YEATS2: variants seen among roughly 807,000 people sequenced by gnomAD.
YEATS2 encodes the protein YEATS domain-containing protein 2.
A neutral mutation model predicts 163.2 loss-of-function variants in YEATS2; 77 were observed. The ratio of observed to expected loss-of-function variants is 0.47; its 90% CI spans 0.39 to 0.57. The LOEUF (loss-of-function observed/expected upper bound fraction) is 0.57. YEATS2 is among the 20% of genes least tolerant of loss of function. YEATS2 has a pLI of 0.00. For missense variants in YEATS2, 1,549 were observed against 1,729.8 expected (o/e 0.90, Z 1.85); for synonymous variants, 631 against 645.1 (o/e 0.98, Z 0.33).
intron 6 of YEATS2, among the ~76,000 whole-genome samples, chr3:183,727,667 C>T (rs1475866490): frequency 3.3e-5 from 5 of 152,206 alleles, no homozygotes; most frequent in African/African-American, 9.6e-5. Context: ...AAGAAGGGGG[C>T]CTCATACTGA....
chr3:183,770,622 G>T (rs762611688), intron 15 of YEATS2, among the ~76,000 whole-genome samples: 2 of 152,034 alleles, frequency 1.3e-5, no homozygotes, highest in East Asian at 1.9e-4. Flanking sequence ...AGTCCACTTT[G>T]TTCTTCCCAG....
chr3:183,722,957 C>T (rs1312297654), intron 5 of YEATS2, among the ~76,000 whole-genome samples: 5 of 152,226 alleles, frequency 3.3e-5, no homozygotes, highest in Non-Finnish European at 7.3e-5. Context: ...CGACTTAAAC[C>T]TGAGTGTTTC....
intron 15 of YEATS2, 122 bp from the exon 16 acceptor site, chr3:183,772,183 C>G: frequency 7.2e-7 from 1 of 1,385,846 alleles, no homozygotes; most frequent in Non-Finnish European, 9.9e-7. Context: ...GGTAGCTTTC[C>G]TAGATGACTG....
At chr3:183,760,911 GA>G (rs1721282746) in intron 13 of YEATS2, among the ~76,000 whole-genome samples, 1 of 152,120 alleles carries the variant, frequency 6.6e-6, no homozygotes, top group Non-Finnish European at 1.5e-5. Context: ...AACTATCGGG[GA>G]AGACCAATAA....
At chr3:183,768,341 A>G (rs547390861) in intron 15 of YEATS2, among the ~76,000 whole-genome samples, 5 of 152,226 alleles carry the variant, frequency 3.3e-5, no homozygotes, top group Admixed American at 6.5e-5. Context: ...TCACTTCTGC[A>G]CACATCCCGT....
intron 1 of YEATS2, among the ~76,000 whole-genome samples, chr3:183,713,304 C>T (rs1397221658): frequency 6.6e-6 from 1 of 152,150 alleles, no homozygotes; most frequent in African/African-American, 2.4e-5. Flanking sequence ...GTGGCTCACA[C>T]CTGTAATCCC....
At chr3:183,806,754 G>C in intron 27 of YEATS2, 112 bp from the exon 28 acceptor site, 1 of 1,056,792 alleles carries the variant, frequency 9.5e-7, no homozygotes. Context: ...TGGAAAGAAG[G>C]TCAGCTCCCC....
intron 3 of YEATS2, 101 bp downstream of exon 3, chr3:183,717,849 C>A: frequency 1.7e-6 from 1 of 579,750 alleles, no homozygotes; most frequent in Non-Finnish European, 2.6e-6. Flanking sequence ...TTTGCTTTAT[C>A]CTCCTCTTTG....
At chr3:183,780,422 C>T (rs568510449) in intron 19 of YEATS2, among the ~76,000 whole-genome samples, 208 of 152,324 alleles carry the variant, frequency 1.4e-3, no homozygotes, top group African/African-American at 4.8e-3. Context: ...GCGTGTCCCA[C>T]GTAAGGCTTT....
At chr3:183,776,744 A>G (rs1304870129) in intron 18 of YEATS2, among the ~76,000 whole-genome samples, 2 of 152,112 alleles carry the variant, frequency 1.3e-5, no homozygotes, top group African/African-American at 4.8e-5. Flanking sequence ...ACCTGAGGTC[A>G]GGAGTTCAAG....
intron 8 of YEATS2, among the ~76,000 whole-genome samples, chr3:183,746,510 T>G (rs1719552217): frequency 6.6e-6 from 1 of 152,196 alleles, no homozygotes; most frequent in South Asian, 2.1e-4. Flanking sequence ...TTCCAGTTCC[T>G]CTTCTTGTTT....
intron 24 of YEATS2, 85 bp from the exon 25 acceptor site, chr3:183,801,370 C>G: frequency 1.2e-6 from 1 of 867,796 alleles, no homozygotes; most frequent in Non-Finnish European, 1.7e-6. Context: ...CGGAATATAT[C>G]CATTAAGTAC....
At chr3:183,733,620 G>A (rs191161282) in intron 7 of YEATS2, among the ~76,000 whole-genome samples, 2 of 152,256 alleles carry the variant, frequency 1.3e-5, no homozygotes, top group Admixed American at 1.3e-4. Context: ...GTAATTTAAC[G>A]AATAAGGGAG....
rs375270135 is a variant in YEATS2, at chr3:183,801,444, A to T, written c.3429-11A>T. The T allele has an allele frequency of 1.3e-6, 2 of 1,590,688 alleles. No homozygotes were observed. Among genetic ancestry groups the T allele is most frequent in the South Asian group, 1.2e-5 (1 of 86,788 alleles). Reference sequence around the variant, plus strand: ...TAATTTATTGCCTTAATTTTTTTTTATCTCTCTCAGGATAGACCATTTAGA... The same window carrying T: ...TAATTTATTGCCTTAATTTTTTTTTTTCTCTCTCAGGATAGACCATTTAGA... On this transcript the variant is annotated splice_polypyrimidine_tract_variant and intron_variant, in intron 24 of 30. Transcript: ENST00000305135.
At chr3:183,729,367 T>C (rs73174102) in intron 7 of YEATS2, among the ~76,000 whole-genome samples, 3,820 of 152,268 alleles carry the variant, frequency 0.025, 67 homozygotes, top group Non-Finnish European at 0.039. Context: ...ACACTAATTA[T>C]ATTAACTGGT....
chr3:183,810,290 C>A, intron 30 of YEATS2, 185 bp from the exon 31 acceptor site: 1 of 546,506 alleles, frequency 1.8e-6, no homozygotes, highest in Non-Finnish European at 3.3e-6. Context: ...TTGTTGACAT[C>A]CTTCTCATGC....
At position 183,759,210 on chromosome 3, in the gene YEATS2, C is replaced by T. The variant is rs146939186; in HGVS notation, c.1656+245C>T. On this transcript the variant is annotated intron_variant, in intron 13 of 30. Transcript: ENST00000305135. ...TCAGCAAGAATGTGTCAGTTGATGA[C>T]GCAAATTTCATAAAATGGAATCTTC... Among the ~76,000 whole-genome samples, 673 of 152,176 alleles carry T rather than the reference C, an allele frequency of 4.4e-3. 7 individuals are homozygous for T. Among genetic ancestry groups the T allele is most frequent in the African/African-American group, 0.015 (640 of 41,508 alleles).
chr3:183,770,758 A>G (rs1396701146), intron 15 of YEATS2, among the ~76,000 whole-genome samples: 2 of 152,272 alleles, frequency 1.3e-5, no homozygotes, highest in Admixed American at 6.5e-5. Flanking sequence ...AGATATTCCT[A>G]CTTACATTTT....
chr3:183,779,778 G>GC (rs1723375017), intron 19 of YEATS2, among the ~76,000 whole-genome samples: 1 of 151,744 alleles, frequency 6.6e-6, no homozygotes, highest in Non-Finnish European at 1.5e-5. Context: ...GCTCACTGCA[G>GC]CCTCCGCCTC....
Sources: gnomAD v4.1 joint callset for allele counts (sites outside exome capture counted in the v4.1 genomes callset) on GRCh38, gnomAD v4.1.1 for gene constraint, MANE v1.5 for transcripts, NCBI Gene and HGNC (gene_info 2026-07-23, HGNC 2026-07-21) for gene names.